APMAP: variants seen among roughly 807,000 people sequenced by gnomAD.
APMAP encodes the protein adipocyte plasma membrane associated protein.
In APMAP, 33 loss-of-function variants were observed where a neutral mutation model predicts 43.6. That is an observed-to-expected ratio of 0.76 (90% confidence interval 0.57 to 1.01). The LOEUF (loss-of-function observed/expected upper bound fraction) is 1.01. Among genes scored for constraint, APMAP ranks in the 50% least tolerant of loss-of-function variants. The pLI is 0.00. For synonymous variants in APMAP, 224 were observed against 216.7 expected (o/e 1.03, Z -0.30); for missense variants, 498 against 540.7 (o/e 0.92, Z 0.78).
rs924981344 is a variant in APMAP at position 24,971,455 on chromosome 20, C to T, written c.538+5G>A. ...CATAGAAGGAAACGAGATATTGTCA[C>T]ATACGTTTCCAGGGATTTACTTCAA... On this transcript the variant is annotated splice_donor_5th_base_variant and intron_variant, in intron 5 of 8. Transcript: ENST00000217456. 1 of 1,605,798 alleles carries T rather than the reference C, an allele frequency of 6.2e-7. No individual in the cohort carries two copies. The highest frequency in any genetic ancestry group is 8.5e-7 in the Non-Finnish European group (1 of 1,172,484).
In APMAP at chr20:24,963,301, G is replaced by A. The variant is rs564836376; in HGVS notation, c.*512C>T. On this transcript the variant is annotated 3_prime_UTR_variant, in exon 9 of 9. Transcript: ENST00000217456. ...CTTGAGAACACAGTTCCATGTCTTG[G>A]CTAACACGGCTCTCACCGCTGGCCT... 6 of 158,842 alleles carry A rather than the reference G, an allele frequency of 3.8e-5. No homozygotes were observed. In the South Asian group the frequency reaches 8.9e-4, roughly 23 times the overall value. The allele number at this position is 158,842 out of a possible 1,614,324, so 9.8% of individuals were successfully genotyped here.
At chr20:24,980,385 T>C (rs902560119) in intron 2 of APMAP, among the ~76,000 whole-genome samples, 5 of 152,226 alleles carry the variant, frequency 3.3e-5, no homozygotes, top group African/African-American at 7.2e-5. Context: ...CCTGGGGCAA[T>C]TGGTGCCATG....
At chr20:24,990,988 C>T (rs983059840) in intron 1 of APMAP, among the ~76,000 whole-genome samples, 4 of 152,176 alleles carry the variant, frequency 2.6e-5, no homozygotes, top group African/African-American at 9.7e-5. Flanking sequence ...AAAGATCAGG[C>T]AGTAAAAGAT....
chr20:24,964,050 T>A, intron 8 of APMAP, 28 bp from the exon 9 acceptor site: 1 of 1,609,942 alleles, frequency 6.2e-7, no homozygotes, highest in Non-Finnish European at 8.5e-7. Flanking sequence ...GCAGGGAAAG[T>A]TCACCAGCTG....
At chr20:24,973,853 C>G in intron 3 of APMAP, 116 bp from the exon 4 acceptor site, 1 of 818,598 alleles carries the variant, frequency 1.2e-6, no homozygotes, top group Non-Finnish European at 1.9e-6. Context: ...AGAGGAAATG[C>G]CAATTCTCAA....
intron 2 of APMAP, among the ~76,000 whole-genome samples, chr20:24,983,670 T>G (rs562482189): frequency 7.2e-5 from 11 of 152,324 alleles, no homozygotes; most frequent in Admixed American, 3.9e-4. Flanking sequence ...TGAATTTTTG[T>G]TTTTGGTTGA....
intron 3 of APMAP, 123 bp downstream of exon 3, chr20:24,978,644 T>C (rs949543332): frequency 1.3e-6 from 1 of 748,412 alleles, no homozygotes; most frequent in Non-Finnish European, 2.2e-6. Context: ...CGTCCGCAGC[T>C]AAGAAGGATG....
At position 24,963,544 on chromosome 20, in the gene APMAP, T is replaced by C. The variant is rs113559980; in HGVS notation, c.*269A>G. ...CTAGAGAATGACTGTACTTAGAAAG[T>C]TTTGTTTTGTTTAAGAGAAAATGGC... On this transcript the variant is annotated 3_prime_UTR_variant, in exon 9 of 9. Coordinates refer to ENST00000217456, the MANE Select transcript of APMAP (RefSeq NM_020531.3). The C allele has an allele frequency of 2.5e-3, 1,176 of 475,620 alleles. 18 individuals carry two copies. Among genetic ancestry groups the C allele is most frequent in the African/African-American group, 0.022 (1,115 of 51,340 alleles). 29.5% of individuals were successfully genotyped at this position (475,620 alleles called of 1,614,324 possible). A position where few individuals can be genotyped will look rare whatever the true frequency, so the allele number is the denominator to read the frequency against.
chr20:24,979,006 G>T (rs936564872), intron 2 of APMAP, 124 bp from the exon 3 acceptor site: 4 of 705,442 alleles, frequency 5.7e-6, no homozygotes, highest in African/African-American at 5.5e-5. Flanking sequence ...TCAGTTGCCA[G>T]AAATACAAGG....
rs1472187289 is a variant in APMAP, at chr20:24,969,663, G to A, written c.714-3C>T. The A allele has an allele frequency of 1.2e-6, 2 of 1,609,258 alleles. No individual in the cohort carries two copies. Among genetic ancestry groups the A allele is most frequent in the South Asian group, 1.1e-5 (1 of 90,862 alleles). ...TCACAGTATCATACTCCAGCAGGCTGTGGAACACCAAAAGCAGAGGGTTAT... is the reference window on the plus strand; with the variant it reads ...TCACAGTATCATACTCCAGCAGGCTATGGAACACCAAAAGCAGAGGGTTAT... On this transcript the variant is annotated splice_region_variant and splice_polypyrimidine_tract_variant and intron_variant, in intron 6 of 8. Coordinates refer to ENST00000217456, the MANE Select transcript of APMAP (RefSeq NM_020531.3).
intron 1 of APMAP, among the ~76,000 whole-genome samples, chr20:24,988,118 C>T (rs1372133266): frequency 1.3e-5 from 2 of 152,200 alleles, no homozygotes; most frequent in East Asian, 3.8e-4. Context: ...TGCCATCACC[C>T]ACCCCACTCC....
At chr20:24,981,764 AT>A (rs763722610) in intron 2 of APMAP, among the ~76,000 whole-genome samples, 112 of 151,552 alleles carry the variant, frequency 7.4e-4, no homozygotes, top group Admixed American at 1.2e-3. Context: ...ATGCTGCTCT[AT>A]TTTTTTTTAC....
At chr20:24,968,255 GT>G (rs1281828843) in intron 8 of APMAP, among the ~76,000 whole-genome samples, 1 of 152,116 alleles carries the variant, frequency 6.6e-6, no homozygotes, top group Non-Finnish European at 1.5e-5. Context: ...TGAAGGGGCT[GT>G]TGTGTTGAAG....
chr20:24,979,789 C>T (rs1010684271), intron 2 of APMAP, among the ~76,000 whole-genome samples: 2 of 152,128 alleles, frequency 1.3e-5, no homozygotes, highest in African/African-American at 4.8e-5. Context: ...AACCTGGCCA[C>T]AGCACCTTCT....
At position 24,969,522 on chromosome 20, in the gene APMAP, A is replaced by G; in HGVS notation, c.848+4T>C. The stretch of plus-strand genomic sequence containing the variant: ...ACTGATGGCTCAGCTAATCCCACAC[A>G]CACCTTCGTATCCTGGCCATGGTTG... On this transcript the variant is annotated splice_donor_region_variant and intron_variant, in intron 7 of 8. Coordinates refer to ENST00000217456, the MANE Select transcript of APMAP (RefSeq NM_020531.3). 6.2e-7 allele frequency: 1 copy of G among 1,606,138 alleles called. No individual in the cohort carries two copies. Among genetic ancestry groups the G allele is most frequent in the Non-Finnish European group, 8.5e-7 (1 of 1,173,986 alleles).
Position 24,969,544 on chromosome 20 carries a change from G to C in APMAP, c.830C>G (p.Thr277Ser). Reference protein sequence around the residue: ...AEDFVLVAETTMARIRRVYVS... With the variant: ...AEDFVLVAETSMARIRRVYVS... Reference sequence around the variant, plus strand: ...CACACACCTTCGTATCCTGGCCATGGTTGTTTCTGCCACCAGGACAAAGTC... The same window carrying C: ...CACACACCTTCGTATCCTGGCCATGCTTGTTTCTGCCACCAGGACAAAGTC... The change falls in exon 7 of 9, where the codon ACC becomes AGC. Residue 277 changes from threonine to serine, a missense_variant. Thr to Ser is a moderately conservative substitution (Grantham distance 58, BLOSUM62 1). Coordinates refer to ENST00000217456, the MANE Select transcript of APMAP (RefSeq NM_020531.3). The C allele has an allele frequency of 6.2e-7, 1 of 1,613,106 alleles. No individual in the cohort carries two copies. Among genetic ancestry groups the C allele is most frequent in the Non-Finnish European group, 8.5e-7 (1 of 1,179,226 alleles).
chr20:24,980,757 C>G (rs2088097148), intron 2 of APMAP, among the ~76,000 whole-genome samples: 1 of 151,358 alleles, frequency 6.6e-6, no homozygotes. Context: ...AGCAGACCTA[C>G]CAGCTTCGCT....
Position 24,963,681 on chromosome 20 carries a change from C to T in APMAP, c.*132G>A. ...CGAGGAATGAAGCAGCCATTCCCAC[C>T]ACCTCTCAGGGACTAACAGGTGCAT... On this transcript the variant is annotated 3_prime_UTR_variant, in exon 9 of 9. Coordinates refer to ENST00000217456, the MANE Select transcript of APMAP (RefSeq NM_020531.3). 1.0e-6 allele frequency: 1 copy of T among 962,600 alleles called. No homozygotes were observed. Among genetic ancestry groups the T allele is most frequent in the South Asian group, 1.6e-5 (1 of 62,786 alleles). The allele number at this position is 962,600 out of a possible 1,614,324, so 59.6% of individuals were successfully genotyped here.
intron 3 of APMAP, chr20:24,974,409 AAG>A (rs1217036438): frequency 6.6e-6 from 1 of 152,234 alleles, no homozygotes; most frequent in Non-Finnish European, 1.5e-5. Context: ...AAAAGACAAA[AAG>A]AGAGTAGAAT....
Sources: gnomAD v4.1 joint callset for allele counts (sites outside exome capture counted in the v4.1 genomes callset) on GRCh38, gnomAD v4.1.1 for gene constraint, MANE v1.5 for transcripts, NCBI Gene and HGNC (gene_info 2026-07-23, HGNC 2026-07-21) for gene names.